The following DST variants were observed in gnomAD, a reference collection of about 807,000 sequenced individuals.
DST encodes the protein bullous pemphigoid antigen.
In DST, 253 loss-of-function variants were observed where a neutral mutation model predicts 875.2. That is an observed-to-expected ratio of 0.29 (90% confidence interval 0.26 to 0.32). The LOEUF is 0.32. DST is among the 10% of genes least tolerant of loss of function. The pLI, the probability that DST is intolerant of heterozygous loss-of-function variation, is 1.00. For missense variants in DST, 8,287 were observed against 9,111.6 expected (o/e 0.91, Z 3.68); for synonymous variants, 3,124 against 3,197.1 (o/e 0.98, Z 0.77).
intron 30 of DST, 137 bp downstream of exon 30, chr6:56,631,074 C>A (rs573367951): frequency 1.9e-5 from 6 of 307,892 alleles, no homozygotes; most frequent in Non-Finnish European, 3.0e-5. Flanking sequence ...TGAGCCACCA[C>A]GCCCAGCCAA....
At position 56,526,354 on chromosome 6, in the gene DST, T is replaced by C; in HGVS notation, c.18129+7A>G. 6.2e-7 allele frequency: 1 copy of C among 1,613,268 alleles called. No homozygotes were observed. The highest frequency in any genetic ancestry group is 8.5e-7 in the Non-Finnish European group (1 of 1,179,574). ...TATTGCCTAAACAACAAACCATTTTTCCCTACCTGCTGTGATCGCAGAATG... is the reference window on the plus strand; with the variant it reads ...TATTGCCTAAACAACAAACCATTTTCCCCTACCTGCTGTGATCGCAGAATG... On this transcript the variant is annotated splice_region_variant and intron_variant, in intron 69 of 103. Transcript: ENST00000680361.
intron 50 of DST, among the ~76,000 whole-genome samples, chr6:56,577,050 G>GTT (rs1241282093): frequency 1.3e-5 from 2 of 152,136 alleles, no homozygotes; most frequent in African/African-American, 2.4e-5. Flanking sequence ...AAAATCTACT[G>GTT]TAAGAATGTT....
At chr6:56,866,348 T>C (rs1774097982) in intron 3 of DST, among the ~76,000 whole-genome samples, 1 of 152,186 alleles carries the variant, frequency 6.6e-6, no homozygotes, top group African/African-American at 2.4e-5. Flanking sequence ...GCCTGAACAA[T>C]TATTGGAAAA....
chr6:56,463,897 C>G, intron 100 of DST, 133 bp from the exon 101 acceptor site: 1 of 908,032 alleles, frequency 1.1e-6, no homozygotes, highest in East Asian at 2.4e-5. Flanking sequence ...TTTTGCCATG[C>G]CAACTCCAAC....
At chr6:56,693,432 A>G in intron 9 of DST, 1 of 1,060,352 alleles carries the variant, frequency 9.4e-7, no homozygotes, top group Non-Finnish European at 1.1e-6. Flanking sequence ...AAATTACAAC[A>G]CTGATGAGCT....
intron 36 of DST, among the ~76,000 whole-genome samples, chr6:56,617,688 A>G (rs1354772672): frequency 6.6e-6 from 1 of 152,206 alleles, no homozygotes; most frequent in Non-Finnish European, 1.5e-5. Context: ...AGTTAAAGCT[A>G]ACTGCTTGGT....
chr6:56,470,843 A>C (rs2094852717), intron 95 of DST, among the ~76,000 whole-genome samples: 1 of 151,308 alleles, frequency 6.6e-6, no homozygotes, highest in South Asian at 2.1e-4. Flanking sequence ...CTTAAGAATC[A>C]TATATTATTA....
At chr6:56,603,493 T>A in intron 41 of DST, 71 bp downstream of exon 41, 1 of 1,588,420 alleles carries the variant, frequency 6.3e-7, no homozygotes, top group Admixed American at 1.8e-5. Flanking sequence ...AACATAGAAG[T>A]GTTCTGCTTC....
intron 4 of DST, among the ~76,000 whole-genome samples, chr6:56,735,664 GAGGA>G (rs1286873782): frequency 1.3e-5 from 2 of 152,048 alleles, no homozygotes; most frequent in Non-Finnish European, 2.9e-5. Flanking sequence ...ACAGCCATAA[GAGGA>G]AGGGTTACTC....
intron 49 of DST, among the ~76,000 whole-genome samples, chr6:56,579,438 C>A (rs1476783880): frequency 2.0e-5 from 3 of 152,118 alleles, no homozygotes; most frequent in African/African-American, 7.2e-5. Context: ...AAAAGCCTTG[C>A]TACATTTTGT....
At chr6:56,795,232 T>G (rs565367871) in intron 4 of DST, among the ~76,000 whole-genome samples, 1 of 151,708 alleles carries the variant, frequency 6.6e-6, no homozygotes, top group African/African-American at 2.4e-5. Context: ...AAAAATGAAT[T>G]CTCAGAAAAA....
At chr6:56,665,067 C>T (rs982403861) in intron 10 of DST, among the ~76,000 whole-genome samples, 3 of 152,140 alleles carry the variant, frequency 2.0e-5, no homozygotes, top group African/African-American at 7.2e-5. Flanking sequence ...GGCTCTTCAT[C>T]CTCTTTAGGA....
chr6:56,535,927 T>C (rs1326751969), intron 62 of DST, among the ~76,000 whole-genome samples: 1 of 152,214 alleles, frequency 6.6e-6, no homozygotes, highest in East Asian at 1.9e-4. Context: ...ATATTGTAAG[T>C]GCTATGGATT....
Position 56,463,569 on chromosome 6 carries a change from G to C in DST, c.22955C>G (p.Pro7652Arg). ...ASPQVPATTT[P>R]KILHPLTRNY... Reference sequence around the variant, plus strand: ...AGTCTTCATCCTGAGTCTTACCTTGGGTGTGGTGGTGGCAGGGACCTGTGG... The same window carrying C: ...AGTCTTCATCCTGAGTCTTACCTTGCGTGTGGTGGTGGCAGGGACCTGTGG... Residue 7652 changes from proline (P) to arginine (R), a missense_variant, in exon 101 of 104, where the codon CCC (proline) becomes CGC (arginine). Physicochemically the swap from Pro to Arg is moderately radical, Grantham distance 103 (BLOSUM62 -2). Coordinates refer to ENST00000680361, the MANE Select transcript of DST (RefSeq NM_001374736.1). 1 of 1,582,216 alleles carries C rather than the reference G, an allele frequency of 6.3e-7. No homozygotes were observed. Among genetic ancestry groups the C allele is most frequent in the Non-Finnish European group, 8.6e-7 (1 of 1,163,368 alleles).
chr6:56,570,284 T>A (rs1215118463), intron 53 of DST, among the ~76,000 whole-genome samples: 1 of 152,192 alleles, frequency 6.6e-6, no homozygotes, highest in Non-Finnish European at 1.5e-5. Flanking sequence ...ACATTTATTG[T>A]GTGCTTTATT....
chr6:56,569,041 G>A (rs935244945), intron 54 of DST, among the ~76,000 whole-genome samples: 8 of 151,818 alleles, frequency 5.3e-5, no homozygotes, highest in South Asian at 2.1e-4. Context: ...ACACACACAC[G>A]GTCGGGCGAG....
intron 36 of DST, chr6:56,619,088 A>G: frequency 6.2e-7 from 1 of 1,613,510 alleles, no homozygotes. Context: ...GTCTTCTTCT[A>G]GGCATTTAAT....
chr6:56,766,340 T>C (rs554315626), intron 4 of DST, among the ~76,000 whole-genome samples: 1 of 152,242 alleles, frequency 6.6e-6, no homozygotes, highest in Admixed American at 6.5e-5. Context: ...AACAAGTAGT[T>C]TCTGAGCACC....
chr6:56,467,926 C>T (rs971452853), intron 98 of DST, among the ~76,000 whole-genome samples: 3 of 151,930 alleles, frequency 2.0e-5, no homozygotes, highest in South Asian at 4.2e-4. Context: ...TTGCTGACTC[C>T]GAAAATAGCA....
Sources: allele counts gnomAD v4.1 joint callset (sites outside exome capture counted in the v4.1 genomes callset), GRCh38; gene constraint gnomAD v4.1.1; transcripts MANE v1.5; gene names NCBI Gene and HGNC (gene_info 2026-07-23, HGNC 2026-07-21).